Variants in PRPF8 observed in about 807,000 individuals in gnomAD.
PRPF8 encodes the protein pre-mRNA processing factor 8.
Under a neutral mutation model 285.9 loss-of-function variants are expected in PRPF8, and 64 were observed. The ratio of observed to expected loss-of-function variants is 0.22; its 90% CI spans 0.18 to 0.28. The LOEUF (loss-of-function observed/expected upper bound fraction) is 0.28. Ranked by LOEUF, PRPF8 falls within the 10% of genes least tolerant of loss-of-function variation. The pLI is 1.00. For missense variants in PRPF8, 1,426 were observed against 3,026.7 expected, an observed-to-expected ratio of 0.47 and a Z score of 12.41; for synonymous variants, 1,325 against 1,118.2, an observed-to-expected ratio of 1.18 and a Z score of -3.69.
At chr17:1,663,710 C>CAAAAAAA (rs58454297) in intron 24 of PRPF8, among the ~76,000 whole-genome samples, 5 of 17,114 alleles carry the variant, frequency 2.9e-4, no homozygotes, top group African/African-American at 6.9e-4. Flanking sequence ...GACTCCATCT[C>CAAAAAAA]AAAAAAAAAA....
intron 37 of PRPF8, 125 bp from the exon 38 acceptor site, chr17:1,654,141 G>A: frequency 7.1e-7 from 1 of 1,417,612 alleles, no homozygotes; most frequent in South Asian, 1.2e-5. Flanking sequence ...ATCCACAAGA[G>A]CTGCTTCTAC....
At chr17:1,674,302 G>A (rs1425616243) in intron 21 of PRPF8, 140 bp downstream of exon 21, 38 of 914,842 alleles carry the variant, frequency 4.2e-5, no homozygotes, top group South Asian at 9.5e-5. Context: ...GATTACAGGC[G>A]TGAGCTACCG....
chr17:1,666,723 G>A (rs925267732), intron 24 of PRPF8, among the ~76,000 whole-genome samples: 2 of 152,168 alleles, frequency 1.3e-5, no homozygotes, highest in Non-Finnish European at 2.9e-5. Flanking sequence ...GTGAAAGAGT[G>A]CGTTGGCTGG....
Position 1,676,754 on chromosome 17 carries a change from C to T in PRPF8, c.2182-43G>A, listed in dbSNP as rs1160649707. 4 of 1,601,108 alleles carry T rather than the reference C, an allele frequency of 2.5e-6. No individual in the cohort carries two copies. Among genetic ancestry groups the T allele is most frequent in the Non-Finnish European group, 8.5e-7 (1 of 1,171,172 alleles). ...ACAATCAAGCCAGGATCCAGCCAGG[C>T]ACTGTGGCACACATCTGTAGTCCCG... On this transcript the variant is annotated intron_variant, in intron 15 of 42. Coordinates refer to ENST00000304992, the MANE Select transcript of PRPF8 (RefSeq NM_006445.4). This position sits in a 1 kb window ranked among gnomAD's most constrained non-coding sequence, Gnocchi z 6.3.
At position 1,659,870 on chromosome 17, in the gene PRPF8, G is replaced by C; in HGVS notation, c.4917C>G (p.Val1639=). 1 of 1,614,200 alleles carries C rather than the reference G, an allele frequency of 6.2e-7. No homozygotes were observed. Among genetic ancestry groups the C allele is most frequent in the Non-Finnish European group, 8.5e-7 (1 of 1,180,044 alleles). ...ILLFASYKWN[V]SRPSLLADSK... ...AGTCAGCCAGCAATGAGGGCCGGGA[G>C]ACATTCCACTTATAGGAGGCAAAGA... Residue 1639 remains valine (V), a synonymous_variant, in exon 31 of 43, where the codon GTC becomes GTG. Transcript: ENST00000304992. The surrounding 1 kb of genome is among the most constrained non-coding windows in gnomAD (Gnocchi z 5.1).
At position 1,679,531 on chromosome 17, in the gene PRPF8, G is replaced by A; in HGVS notation, c.1289+78C>T. ...AAAAAAAAAAAGAATTTAAAAAAAAGGCTACATGCCCACCTAGTTGGAGTC... is the reference window on the plus strand; with the variant it reads ...AAAAAAAAAAAGAATTTAAAAAAAAAGCTACATGCCCACCTAGTTGGAGTC... On this transcript the variant is annotated intron_variant, in intron 9 of 42. Coordinates refer to ENST00000304992, the MANE Select transcript of PRPF8 (RefSeq NM_006445.4). The surrounding 1 kb of genome is among the most constrained non-coding windows in gnomAD (Gnocchi z 4.7). The A allele has an allele frequency of 6.3e-7, 1 of 1,593,452 alleles. No homozygotes were observed. The highest frequency in any genetic ancestry group is 8.5e-7 in the Non-Finnish European group (1 of 1,172,534).
Position 1,681,897 on chromosome 17 carries a change from C to A in PRPF8, c.576G>T (p.Gln192His). ...ILDVEPLEAI[Q>H]LELDPEEDAP... is the part of the protein sequence containing the mutation. Reference sequence around the variant, plus strand: ...CGTCCTCCTCAGGGTCCAGCTCTAGCTGAATGGCCTCCAGTGGCTCAACAT... The same window carrying A: ...CGTCCTCCTCAGGGTCCAGCTCTAGATGAATGGCCTCCAGTGGCTCAACAT... Residue 192 changes from glutamine to histidine, a missense_variant, in exon 5 of 43, where the codon CAG becomes CAT. This residue lies in a region of PRPF8 where 96 missense variants were observed against 188.3 expected (regional missense o/e 0.51). Coordinates refer to ENST00000304992, the MANE Select transcript of PRPF8 (RefSeq NM_006445.4). 6.2e-7 allele frequency: 1 copy of A among 1,614,068 alleles called. No individual in the cohort carries two copies. The highest frequency in any genetic ancestry group is 8.5e-7 in the Non-Finnish European group (1 of 1,180,010).
In PRPF8 at chr17:1,683,850, ACT is replaced by A. The variant is rs1180938537; in HGVS notation, c.101-151_101-150del. Reference sequence around the variant, plus strand: ...CCCTTGCCAATTCCCTTACCATTTTACTCTGTTTTTCCTTTCATCACATTGAT... The same window carrying A: ...CCCTTGCCAATTCCCTTACCATTTTACTGTTTTTCCTTTCATCACATTGAT... On this transcript the variant is annotated intron_variant, in intron 2 of 42. Coordinates refer to ENST00000304992, the MANE Select transcript of PRPF8 (RefSeq NM_006445.4). 62 of 892,598 alleles carry A rather than the reference ACT, an allele frequency of 6.9e-5. 1 individual carries two copies. The highest frequency in any genetic ancestry group is 4.5e-4 in the South Asian group (30 of 66,052). 55.3% of individuals were successfully genotyped at this position (892,598 alleles called of 1,614,324 possible).
chr17:1,650,700 CACAG>C lies in PRPF8; in HGVS notation c.*98_*101del, dbSNP rs745921541. The C allele has an allele frequency of 8.7e-6, 12 of 1,386,618 alleles. No homozygotes were observed. The highest frequency in any genetic ancestry group is 2.5e-4 in the Middle Eastern group (1 of 4,072). The allele number at this position is 1,386,618 out of a possible 1,614,324, so 85.9% of individuals were successfully genotyped here. On this transcript the variant is annotated 3_prime_UTR_variant, in exon 43 of 43. Coordinates refer to ENST00000304992, the MANE Select transcript of PRPF8 (RefSeq NM_006445.4). Reference sequence around the variant, plus strand: ...GCCATCAGGAGGTCAACAACACAAGCACAGACAGAGGGAAAGAGGCCAAACTGCT... The same window carrying C: ...GCCATCAGGAGGTCAACAACACAAGCACAGAGGGAAAGAGGCCAAACTGCT...
intron 30 of PRPF8, 147 bp downstream of exon 30, chr17:1,660,285 C>T (rs1429789810): frequency 1.4e-6 from 2 of 1,450,290 alleles, no homozygotes; most frequent in Non-Finnish European, 1.9e-6. Context: ...TCTACAGTAC[C>T]CTCTCCCCAC....
intron 2 of PRPF8, among the ~76,000 whole-genome samples, chr17:1,684,015 T>C (rs570308165): frequency 2.0e-5 from 3 of 151,652 alleles, no homozygotes; most frequent in East Asian, 1.9e-4. Flanking sequence ...GCCTCCCCAG[T>C]AGCTGGGATT....
intron 24 of PRPF8, among the ~76,000 whole-genome samples, chr17:1,665,651 G>A (rs1911931196): frequency 6.6e-6 from 1 of 151,782 alleles, no homozygotes; most frequent in Non-Finnish European, 1.5e-5. Flanking sequence ...AGACCAGCCT[G>A]GCCAAGATGG....
At position 1,673,807 on chromosome 17, in the gene PRPF8, T is replaced by C; in HGVS notation, c.3385A>G (p.Asn1129Asp). The change falls in exon 22 of 43, where the codon AAT (asparagine) becomes GAT (aspartate). Residue 1129 changes from asparagine (N) to aspartate (D), a missense_variant. Around this residue, in one of 34 missense-constraint regions of PRPF8, gnomAD observed 148 missense variants for 196.2 expected, o/e 0.75. Transcript: ENST00000304992. This position sits in a 1 kb window ranked among gnomAD's most constrained non-coding sequence, Gnocchi z 5.5. ...DPNNENIVGY[N>D]NKKCWPRDAR... is the part of the protein sequence containing the mutation. ...TCTCGGGGCCAGCACTTCTTGTTAT[T>C]ATAGCCAACGATGTTTTCATTATTG... 3 of 1,614,116 alleles carry C rather than the reference T, an allele frequency of 1.9e-6. No homozygotes were observed. Among genetic ancestry groups the C allele is most frequent in the Non-Finnish European group, 2.5e-6 (3 of 1,180,014 alleles).
intron 6 of PRPF8, 102 bp from the exon 7 acceptor site, chr17:1,681,156 G>A: frequency 1.5e-6 from 2 of 1,308,076 alleles, no homozygotes; most frequent in Non-Finnish European, 1.1e-6. Flanking sequence ...ATCGTTCACT[G>A]CAGCCGTGAC....
intron 24 of PRPF8, among the ~76,000 whole-genome samples, chr17:1,668,456 G>A (rs1488893397): frequency 1.3e-5 from 2 of 148,592 alleles, no homozygotes; most frequent in African/African-American, 5.0e-5. Flanking sequence ...CTGCCTCCCA[G>A]GTTCCTGCCA....
At position 1,677,485 on chromosome 17, in the gene PRPF8, G is replaced by A. The variant is rs894095584; in HGVS notation, c.1984+80C>T. ...TCCAGTAGGAAGAGTGCTCATACAA[G>A]AGCAGGGAACAGACTCAAACAGGGG... On this transcript the variant is annotated intron_variant, in intron 14 of 42. Transcript: ENST00000304992. 4.4e-6 allele frequency: 7 copies of A among 1,597,610 alleles called. No homozygotes were observed. The South Asian group carries it at 6.6e-5, about 15-fold the overall frequency.
At chr17:1,662,211 G>A in intron 24 of PRPF8, 58 bp from the exon 25 acceptor site, 2 of 1,591,406 alleles carry the variant, frequency 1.3e-6, no homozygotes, top group Non-Finnish European at 1.7e-6. Flanking sequence ...GGAGGGTGGA[G>A]ACTACTTGAT....
rs1912565530 is a variant in PRPF8, at chr17:1,675,545, T to C, written c.2872+75A>G. On this transcript the variant is annotated intron_variant, in intron 19 of 42. Coordinates refer to ENST00000304992, the MANE Select transcript of PRPF8 (RefSeq NM_006445.4). The surrounding 1 kb of genome is among the most constrained non-coding windows in gnomAD (Gnocchi z 6.0). ...CATCAAGAGAGTAAACCAATCATGC[T>C]ACCCAGATGAGATTTTTGACGTAGA... 19 of 1,582,930 alleles carry C rather than the reference T, an allele frequency of 1.2e-5. No individual in the cohort carries two copies. Among genetic ancestry groups the C allele is most frequent in the Non-Finnish European group, 1.2e-5 (14 of 1,152,434 alleles).
rs926731264 is a variant in PRPF8, at chr17:1,653,330, C to A, written c.6369+212G>T. 1.5e-6 allele frequency: 1 copy of A among 666,004 alleles called. No homozygotes were observed. Among genetic ancestry groups the A allele is most frequent in the East Asian group, 2.7e-5 (1 of 36,836 alleles). 41.3% of individuals were successfully genotyped at this position (666,004 alleles called of 1,614,324 possible). On this transcript the variant is annotated intron_variant, in intron 39 of 42. Coordinates refer to ENST00000304992, the MANE Select transcript of PRPF8 (RefSeq NM_006445.4). This position sits in a 1 kb window ranked among gnomAD's most constrained non-coding sequence, Gnocchi z 4.9. Reference sequence around the variant, plus strand: ...CTGTTCTCTTCCAAATACTATCAGGCCAATACTACAATTACTACCTTCTCT... The same window carrying A: ...CTGTTCTCTTCCAAATACTATCAGGACAATACTACAATTACTACCTTCTCT...
Sources: allele counts gnomAD v4.1 joint callset (sites outside exome capture counted in the v4.1 genomes callset), GRCh38; gene constraint gnomAD v4.1.1; regional missense constraint gnomAD v4.1.1; non-coding constraint Gnocchi (gnomAD v3.1); transcripts MANE v1.5; gene names NCBI Gene and HGNC (gene_info 2026-07-23, HGNC 2026-07-21).